Variants in CEP112 observed in about 807,000 individuals in gnomAD.
CEP112 encodes centrosomal protein 112.
In CEP112, 127 loss-of-function variants were observed where a neutral mutation model predicts 153.0. The ratio of observed to expected loss-of-function variants is 0.83; its 90% CI spans 0.72 to 0.96. The LOEUF is 0.96. CEP112 is among the 40% of genes least tolerant of loss of function. The pLI, the probability that CEP112 is intolerant of heterozygous loss-of-function variation, is 0.00. For missense variants in CEP112, 1,089 were observed against 1,101.2 expected, an observed-to-expected ratio of 0.99 and a Z score of 0.16; for synonymous variants, 358 against 374.4, an observed-to-expected ratio of 0.96 and a Z score of 0.51.
chr17:65,733,717 C>A (rs1158934475), intron 23 of CEP112, among the ~76,000 whole-genome samples: 1 of 152,104 alleles, frequency 6.6e-6, no homozygotes, highest in Non-Finnish European at 1.5e-5. Context: ...GTTATCAGAA[C>A]CTTTTATGAT....
intron 4 of CEP112, among the ~76,000 whole-genome samples, chr17:66,149,036 A>G (rs569231693): frequency 1.3e-5 from 2 of 152,326 alleles, no homozygotes; most frequent in South Asian, 4.1e-4. Flanking sequence ...CTTATCAAAA[A>G]AGGGAGTTAA....
chr17:65,826,077 T>G, intron 21 of CEP112: 25 of 1,536,640 alleles, frequency 1.6e-5, no homozygotes, highest in Non-Finnish European at 1.8e-5. Flanking sequence ...AGCTCAGCAA[T>G]GAGATTTATT....
chr17:65,970,872 C>T (rs905480369), intron 17 of CEP112, among the ~76,000 whole-genome samples: 3 of 48,196 alleles, frequency 6.2e-5, no homozygotes, highest in East Asian at 8.1e-3. Flanking sequence ...CATGCTGCAT[C>T]GCATTACATG....
At chr17:65,952,673 T>C (rs1280821398) in intron 18 of CEP112, among the ~76,000 whole-genome samples, 3 of 152,178 alleles carry the variant, frequency 2.0e-5, no homozygotes, top group African/African-American at 7.2e-5. Flanking sequence ...TATTTAACAT[T>C]TTAAGAAAAT....
At chr17:65,969,430 A>G (rs971406842) in intron 17 of CEP112, among the ~76,000 whole-genome samples, 1 of 152,246 alleles carries the variant, frequency 6.6e-6, no homozygotes, top group Non-Finnish European at 1.5e-5. Context: ...TATTACATGT[A>G]CATTACATGC....
At chr17:66,065,588 C>A (rs1457757679) in intron 10 of CEP112, among the ~76,000 whole-genome samples, 1 of 151,710 alleles carries the variant, frequency 6.6e-6, no homozygotes, top group African/African-American at 2.4e-5. Flanking sequence ...CAAGGTCATA[C>A]TTAATCTAGC....
chr17:65,962,669 G>C (rs990004743), intron 17 of CEP112, among the ~76,000 whole-genome samples: 2 of 152,174 alleles, frequency 1.3e-5, no homozygotes, highest in Admixed American at 6.5e-5. Context: ...TTGTGGGAGG[G>C]ACCCAGTGGG....
At chr17:65,918,832 A>G (rs1285191075) in intron 19 of CEP112, among the ~76,000 whole-genome samples, 1 of 152,184 alleles carries the variant, frequency 6.6e-6, no homozygotes, top group African/African-American at 2.4e-5. Context: ...TGCACACTTT[A>G]TGCCTGGATT....
intron 8 of CEP112, among the ~76,000 whole-genome samples, chr17:66,088,645 C>T (rs756367499): frequency 1.2e-4 from 18 of 152,154 alleles, no homozygotes; most frequent in Admixed American, 7.2e-4. Flanking sequence ...GACTCCAGGT[C>T]GGCCACTGGG....
chr17:66,069,053 A>C (rs2067220206), intron 9 of CEP112, among the ~76,000 whole-genome samples: 1 of 151,760 alleles, frequency 6.6e-6, no homozygotes, highest in Non-Finnish European at 1.5e-5. Context: ...TATTGCTTTA[A>C]AGGACAAGCC....
chr17:65,674,126 C>A (rs1344962557), intron 24 of CEP112, among the ~76,000 whole-genome samples: 1 of 152,206 alleles, frequency 6.6e-6, no homozygotes, highest in Non-Finnish European at 1.5e-5. Flanking sequence ...TCGCCTCAGC[C>A]TCCCAAAGTG....
intron 8 of CEP112, among the ~76,000 whole-genome samples, chr17:66,084,592 T>C (rs1293230197): frequency 6.6e-6 from 1 of 152,150 alleles, no homozygotes; most frequent in Non-Finnish European, 1.5e-5. Context: ...TCTCACTTAT[T>C]TGTGGGAGCT....
intron 16 of CEP112, among the ~76,000 whole-genome samples, chr17:66,019,306 C>G (rs2064898479): frequency 4.8e-5 from 1 of 20,868 alleles, no homozygotes; most frequent in Non-Finnish European, 1.7e-4. Flanking sequence ...ACCTGTAACA[C>G]TAACAACAAC....
intron 11 of CEP112, among the ~76,000 whole-genome samples, chr17:66,061,048 TCAAA>T (rs1211028999): frequency 1.3e-5 from 2 of 151,628 alleles, no homozygotes; most frequent in Non-Finnish European, 2.9e-5. Flanking sequence ...TATAAGAAAC[TCAAA>T]CAACTCAATA....
intron 21 of CEP112, among the ~76,000 whole-genome samples, chr17:65,764,367 T>C (rs535157408): frequency 7.2e-5 from 11 of 152,394 alleles, no homozygotes; most frequent in African/African-American, 2.6e-4. Context: ...TCCCCACTAT[T>C]ACTGTATTGC....
At chr17:66,038,265 T>C (rs1389192057) in intron 12 of CEP112, among the ~76,000 whole-genome samples, 4 of 152,158 alleles carry the variant, frequency 2.6e-5, no homozygotes, top group African/African-American at 7.2e-5. Context: ...TGCATTAAGA[T>C]CTCTATTTGT....
At chr17:66,055,974 A>C (rs1425016525) in intron 11 of CEP112, among the ~76,000 whole-genome samples, 1 of 152,214 alleles carries the variant, frequency 6.6e-6, no homozygotes, top group Non-Finnish European at 1.5e-5. Context: ...AATGAATTGG[A>C]GTCCAGGTCA....
chr17:66,183,484 A>G (rs1305730976), intron 1 of CEP112, among the ~76,000 whole-genome samples, 177 bp from the exon 2 acceptor site: 2 of 152,226 alleles, frequency 1.3e-5, no homozygotes, highest in East Asian at 3.8e-4. Flanking sequence ...GATAAGCTTA[A>G]TTCTAAAATT....
chr17:65,650,784 G>A (rs2045723736), intron 24 of CEP112, among the ~76,000 whole-genome samples: 1 of 150,310 alleles, frequency 6.7e-6, no homozygotes, highest in African/African-American at 2.4e-5. Flanking sequence ...GTGAGTGCCT[G>A]TAGTCCCAGC....
Sources: gnomAD v4.1 joint callset for allele counts (sites outside exome capture counted in the v4.1 genomes callset) on GRCh38, gnomAD v4.1.1 for gene constraint, MANE v1.5 for transcripts, NCBI Gene and HGNC (gene_info 2026-07-23, HGNC 2026-07-21) for gene names.